Variants in ALPK1 observed in about 807,000 individuals in gnomAD.
ALPK1 encodes alpha-protein kinase 1.
ALPK1 carries 110 observed loss-of-function variants against 120.6 expected under a neutral mutation model. The observed-to-expected ratio is 0.91, with a 90% CI of 0.78 to 1.07. The LOEUF is 1.07. Ranked by LOEUF, ALPK1 falls within the 50% of genes least tolerant of loss-of-function variation. ALPK1 has a pLI of 0.00. For synonymous variants in ALPK1, 582 were observed against 560.3 expected (o/e 1.04, Z -0.55); for missense variants, 1,498 against 1,483.9 (o/e 1.01, Z -0.16).
intron 4 of ALPK1, among the ~76,000 whole-genome samples, chr4:112,401,765 C>A (rs1234562819): frequency 1.3e-5 from 2 of 152,136 alleles, no homozygotes; most frequent in East Asian, 3.9e-4. Flanking sequence ...ATGGCCAACT[C>A]CATATACAGT....
At chr4:112,342,483 T>C (rs1459694671) in intron 2 of ALPK1, among the ~76,000 whole-genome samples, 4 of 152,238 alleles carry the variant, frequency 2.6e-5, no homozygotes, top group African/African-American at 9.6e-5. Flanking sequence ...TTTTGATATT[T>C]ACTATTTTAG....
At position 112,318,243 on chromosome 4, in the gene ALPK1, G is replaced by A. The variant is rs182088409; in HGVS notation, c.-101+2391G>A. On this transcript the variant is annotated intron_variant, in intron 2 of 15. Transcript: ENST00000650871. ...GGGAACCTAGGTATGAATTAAATAG[G>A]GTCTTCACCCTCGGGGGAAGGAAAT... is the stretch of plus-strand genomic sequence containing the variant. Among the ~76,000 whole-genome samples, 450 of 152,182 alleles carry A rather than the reference G, an allele frequency of 3.0e-3. 5 individuals are homozygous for A. The highest frequency in any genetic ancestry group is 1.1e-3 in the Non-Finnish European group (77 of 68,006).
intron 9 of ALPK1, 173 bp downstream of exon 9, chr4:112,427,838 T>C (rs368316265): frequency 3.4e-6 from 2 of 581,876 alleles, no homozygotes; most frequent in Non-Finnish European, 6.2e-6. Flanking sequence ...TATTTGGCTT[T>C]ATTATCCCAG....
chr4:112,311,847 G>T (rs927162470), intron 1 of ALPK1, among the ~76,000 whole-genome samples: 9 of 152,342 alleles, frequency 5.9e-5, no homozygotes, highest in African/African-American at 2.2e-4. Context: ...GGCAGGCAGA[G>T]TGGTGAGGAT....
chr4:112,303,788 T>G (rs1350996032), intron 1 of ALPK1, among the ~76,000 whole-genome samples: 1 of 152,004 alleles, frequency 6.6e-6, no homozygotes, highest in Non-Finnish European at 1.5e-5. Context: ...CTAGGGTACA[T>G]GTGCACAACA....
intron 2 of ALPK1, among the ~76,000 whole-genome samples, chr4:112,339,081 A>G (rs1729749100): frequency 6.6e-6 from 1 of 152,234 alleles, no homozygotes. Context: ...GAAATTACCC[A>G]CAATGAGAGA....
intron 4 of ALPK1, among the ~76,000 whole-genome samples, chr4:112,409,734 G>A (rs1388396148): frequency 6.6e-6 from 1 of 152,124 alleles, no homozygotes; most frequent in Non-Finnish European, 1.5e-5. Context: ...AGTCAGATTA[G>A]TCACTCCACC....
At chr4:112,300,897 A>G (rs1307285513) in intron 1 of ALPK1, among the ~76,000 whole-genome samples, 1 of 152,184 alleles carries the variant, frequency 6.6e-6, no homozygotes, top group Non-Finnish European at 1.5e-5. Flanking sequence ...GCACTGTGTC[A>G]TTGGCTCACC....
chr4:112,410,788 G>C (rs1733418704), intron 4 of ALPK1: 1 of 152,228 alleles, frequency 6.6e-6, no homozygotes, highest in Admixed American at 6.5e-5. Context: ...CGCTCTTTAT[G>C]TTACACTTTC....
chr4:112,350,990 G>C (rs181401163), intron 2 of ALPK1, among the ~76,000 whole-genome samples: 79 of 152,248 alleles, frequency 5.2e-4, no homozygotes, highest in African/African-American at 1.9e-3. Context: ...GAAGTCATCA[G>C]TGCAGGAGCC....
At chr4:112,309,354 T>C (rs552998501) in intron 1 of ALPK1, among the ~76,000 whole-genome samples, 3 of 152,302 alleles carry the variant, frequency 2.0e-5, no homozygotes, top group Admixed American at 1.3e-4. Flanking sequence ...AGGTAGAGTC[T>C]GCAGAGGCAG....
At chr4:112,325,223 A>G (rs894167671) in intron 2 of ALPK1, among the ~76,000 whole-genome samples, 2 of 152,216 alleles carry the variant, frequency 1.3e-5, no homozygotes, top group Non-Finnish European at 2.9e-5. Context: ...TGCAGTAATC[A>G]CAGCTCTTTA....
chr4:112,423,727 T>A (rs1734104102), intron 5 of ALPK1: 1 of 679,510 alleles, frequency 1.5e-6, no homozygotes, highest in South Asian at 1.5e-5. Flanking sequence ...TCATTTCAGA[T>A]ACTGTCCAAC....
chr4:112,435,008 G>A, intron 11 of ALPK1, 140 bp from the exon 12 acceptor site: 1 of 771,290 alleles, frequency 1.3e-6, no homozygotes, highest in Non-Finnish European at 2.1e-6. Context: ...TGTCATAGAA[G>A]AGATGAAAAT....
chr4:112,337,339 G>GCCAGAA (rs1183217267), intron 2 of ALPK1, among the ~76,000 whole-genome samples: 3 of 152,038 alleles, frequency 2.0e-5, no homozygotes, highest in Non-Finnish European at 4.4e-5. Flanking sequence ...AGTTTTGGTG[G>GCCAGAA]CATTAAGTCT....
intron 4 of ALPK1, among the ~76,000 whole-genome samples, chr4:112,398,265 A>G (rs1732754312): frequency 6.6e-6 from 1 of 152,158 alleles, no homozygotes; most frequent in African/African-American, 2.4e-5. Context: ...ATAGGATTTT[A>G]TTGGCCATGA....
Position 112,439,672 on chromosome 4 carries a change from T to C in ALPK1, c.3352-14T>C, listed in dbSNP as rs138249015. The C allele has an allele frequency of 9.2e-5, 146 of 1,591,766 alleles. No individual in the cohort carries two copies. The highest frequency in any genetic ancestry group is 1.2e-4 in the Non-Finnish European group (136 of 1,169,740). Reference sequence around the variant, plus strand: ...TACCATTATGCTGTAATGTTTCTCATTGCTATTTTTCAGATTTTAGAGGAC... The same window carrying C: ...TACCATTATGCTGTAATGTTTCTCACTGCTATTTTTCAGATTTTAGAGGAC... On this transcript the variant is annotated splice_polypyrimidine_tract_variant and intron_variant, in intron 13 of 15. Transcript: ENST00000650871.
chr4:112,431,383 C>T lies in ALPK1; in HGVS notation c.1836C>T (p.Gly612=). ...ACAGGTCAGCCAGAAAAGAGCCTGG[C>T]AAAGAACATCTGGTGGACACTCAGT... ...VDDRSARKEP[G]KEHLVDTQCS... The change falls in exon 11 of 16, where the codon GGC becomes GGT. Residue 612 remains glycine (G), a synonymous_variant. Transcript: ENST00000650871. 6.2e-7 allele frequency: 1 copy of T among 1,614,206 alleles called. No homozygotes were observed. The highest frequency in any genetic ancestry group is 8.5e-7 in the Non-Finnish European group (1 of 1,180,040).
chr4:112,376,957 G>A (rs1408366613), intron 2 of ALPK1, among the ~76,000 whole-genome samples: 3 of 151,638 alleles, frequency 2.0e-5, no homozygotes. Flanking sequence ...TTTTTGCGCT[G>A]TTAGTAAGTT....
Sources: gnomAD v4.1 joint callset for allele counts (sites outside exome capture counted in the v4.1 genomes callset) on GRCh38, gnomAD v4.1.1 for gene constraint, MANE v1.5 for transcripts, NCBI Gene and HGNC (gene_info 2026-07-23, HGNC 2026-07-21) for gene names.